The following ZBTB40 variants were observed in gnomAD, a reference collection of about 807,000 sequenced individuals.
ZBTB40 encodes the protein zinc finger and BTB domain-containing protein 40.
Under a neutral mutation model 117.5 loss-of-function variants are expected in ZBTB40, and 60 were observed. That is an observed-to-expected ratio of 0.51 (90% CI 0.41 to 0.63). ZBTB40 has a LOEUF of 0.63. Among genes scored for constraint, ZBTB40 ranks in the 30% least tolerant of loss-of-function variants. The pLI is 0.00. For synonymous variants in ZBTB40, 525 were observed against 577.1 expected (o/e 0.91, Z 1.29); for missense variants, 1,287 against 1,498.5 (o/e 0.86, Z 2.33).
At chr1:22,447,013 G>A (rs1640797270), upstream of ZBTB40, among the ~76,000 whole-genome samples, 1 of 151,940 alleles carries the variant, frequency 6.6e-6, no homozygotes, top group African/African-American at 2.4e-5. Flanking sequence ...TGAGGCAGCA[G>A]GATGACTTGT....
chr1:22,478,733 A>G (rs1485929032), intron 1 of ZBTB40, among the ~76,000 whole-genome samples: 5 of 152,172 alleles, frequency 3.3e-5, no homozygotes, highest in Non-Finnish European at 5.9e-5. Flanking sequence ...TCCCCTTCCC[A>G]TACTCATTTT....
chr1:22,455,242 A>G (rs968278104), intron 1 of ZBTB40, among the ~76,000 whole-genome samples: 4 of 152,174 alleles, frequency 2.6e-5, no homozygotes, highest in Non-Finnish European at 5.9e-5. Flanking sequence ...TTGTTTGTGC[A>G]TGATTTCAAG....
At chr1:22,512,163 G>T (rs757131945) in intron 11 of ZBTB40, 29 bp downstream of exon 11, 3 of 1,611,242 alleles carry the variant, frequency 1.9e-6, no homozygotes, top group South Asian at 2.2e-5. Flanking sequence ...AGGAACAGAG[G>T]ATGATAATTG....
At chr1:22,455,429 G>A (rs1640981846) in intron 1 of ZBTB40, among the ~76,000 whole-genome samples, 1 of 152,156 alleles carries the variant, frequency 6.6e-6, no homozygotes, top group South Asian at 2.1e-4. Context: ...AGCATGGCAG[G>A]TTTCGCTTTA....
intron 1 of ZBTB40, among the ~76,000 whole-genome samples, chr1:22,459,399 A>G (rs1641081030): frequency 6.6e-6 from 1 of 152,220 alleles, no homozygotes; most frequent in Admixed American, 6.5e-5. Flanking sequence ...GGTTTGAGGA[A>G]GGATCTGATT....
At chr1:22,431,640 G>A (rs985621907) in intron 1 of ZBTB40, among the ~76,000 whole-genome samples, 1 of 151,778 alleles carries the variant, frequency 6.6e-6, no homozygotes, top group African/African-American at 2.4e-5. Context: ...GGAGGCTGAG[G>A]CAGGAGAATC....
At chr1:22,488,838 G>A (rs1412823147) in intron 1 of ZBTB40, among the ~76,000 whole-genome samples, 1 of 152,138 alleles carries the variant, frequency 6.6e-6, no homozygotes, top group Admixed American at 6.5e-5. Context: ...GAGGCATGGA[G>A]GCTAATTAGG....
intron 1 of ZBTB40, among the ~76,000 whole-genome samples, chr1:22,434,461 C>T (rs994904197): frequency 6.6e-6 from 1 of 152,028 alleles, no homozygotes; most frequent in Non-Finnish European, 1.5e-5. Flanking sequence ...TCAATCTTTT[C>T]TTTTATGGTT....
chr1:22,529,856 T>C lies in ZBTB40; in HGVS notation c.*3460T>C, dbSNP rs192138844. 2.0e-5 allele frequency: 3 copies of C among 151,218 alleles called. No individual in the cohort carries two copies. Among genetic ancestry groups the C allele is most frequent in the Admixed American group, 1.3e-4 (2 of 15,158 alleles). 9.4% of individuals were successfully genotyped at this position (151,218 alleles called of 1,614,324 possible). A position where few individuals can be genotyped will look rare whatever the true frequency, so the allele number is the denominator to read the frequency against. On this transcript the variant is annotated 3_prime_UTR_variant, in exon 18 of 18. Transcript: ENST00000375647. ...AGTTCTGATAATCGGGGCTGAGGGG[T>C]GAAAAGAAATCCAGTCAGACAGACA...
At position 22,529,926 on chromosome 1, in the gene ZBTB40, G is replaced by A. The variant is rs1352046096; in HGVS notation, c.*3530G>A. On this transcript the variant is annotated 3_prime_UTR_variant, in exon 18 of 18. Coordinates refer to ENST00000375647, the MANE Select transcript of ZBTB40 (RefSeq NM_014870.4). The stretch of plus-strand genomic sequence containing the variant: ...CCCTTTATTTGCGGGATCAATCAGG[G>A]ACTCCCAGAAAGGAAGGAGAATGGT... The A allele has an allele frequency of 6.6e-6, 1 of 152,040 alleles. No homozygotes were observed. Among genetic ancestry groups the A allele is most frequent in the African/African-American group, 2.4e-5 (1 of 41,464 alleles). The allele number at this position is 152,040 out of a possible 1,614,324, so 9.4% of individuals were successfully genotyped here.
At chr1:22,480,683 C>T (rs537341787) in intron 1 of ZBTB40, among the ~76,000 whole-genome samples, 1 of 152,082 alleles carries the variant, frequency 6.6e-6, no homozygotes, top group Non-Finnish European at 1.5e-5. Context: ...CTATGTGAGT[C>T]CCTGTGTTTT....
chr1:22,524,168 C>A (rs371474961), intron 16 of ZBTB40, 50 bp from the exon 17 acceptor site: 1 of 1,561,992 alleles, frequency 6.4e-7, no homozygotes, highest in African/African-American at 1.4e-5. Context: ...TCTCATTTTA[C>A]CCAGAGAATT....
chr1:22,443,134 C>T (rs184212642), intron 1 of ZBTB40, among the ~76,000 whole-genome samples: 33 of 152,170 alleles, frequency 2.2e-4, no homozygotes, highest in East Asian at 1.4e-3. Context: ...AAAGTCTCAA[C>T]GAAAATTATT....
At chr1:22,439,962 G>A (rs1310651200) in intron 1 of ZBTB40, among the ~76,000 whole-genome samples, 3 of 152,082 alleles carry the variant, frequency 2.0e-5, no homozygotes, top group African/African-American at 4.8e-5. Context: ...CATTAACATG[G>A]GACGTGTTTC....
chr1:22,468,465 C>CTTTTT lies in ZBTB40; in HGVS notation c.-70+16484_-70+16488dup, dbSNP rs555995462. Among the ~76,000 whole-genome samples the CTTTTT allele has an allele frequency of 1.9e-4, 10 of 51,708 alleles. 2 individuals carry two copies. Among genetic ancestry groups the CTTTTT allele is most frequent in the African/African-American group, 5.9e-4 (5 of 8,434 alleles). The allele number at this position is 51,708 out of a possible 152,430, so 33.9% of individuals were successfully genotyped here. A position where few individuals can be genotyped will look rare whatever the true frequency, so the allele number is the denominator to read the frequency against. ...TTAAAATTTAAAATGTTAATGTTTCCTTTTTTTTTTTTTTTTTTTTTTTTT... is the reference window on the plus strand; with the variant it reads ...TTAAAATTTAAAATGTTAATGTTTCCTTTTTTTTTTTTTTTTTTTTTTTTTTTTTT... On this transcript the variant is annotated intron_variant, in intron 1 of 17. Transcript: ENST00000375647.
At chr1:22,457,124 ATT>A (rs11361503) in intron 1 of ZBTB40, among the ~76,000 whole-genome samples, 2,088 of 149,320 alleles carry the variant, frequency 0.014, 22 homozygotes, top group Non-Finnish European at 0.021. Flanking sequence ...CCCTGTCTCT[ATT>A]TTTTTTTTTT....
Position 22,511,761 on chromosome 1 carries a change from A to C in ZBTB40, c.2088A>C (p.Glu696Asp). 1 of 1,609,040 alleles carries C rather than the reference A, an allele frequency of 6.2e-7. No individual in the cohort carries two copies. Among genetic ancestry groups the C allele is most frequent in the East Asian group, 2.2e-5 (1 of 44,834 alleles). The change falls in exon 11 of 18, where the codon GAA becomes GAC. Residue 696 changes from glutamate (E) to aspartate (D), a missense_variant. Coordinates refer to ENST00000375647, the MANE Select transcript of ZBTB40 (RefSeq NM_014870.4). Reference protein sequence around the residue: ...FHLEANNKEDEKAAKEDSQPG... With the variant: ...FHLEANNKEDDKAAKEDSQPG... ...TTGAAGCCAACAACAAAGAAGATGA[A>C]AAGGCAGCCAAAGAAGACAGCCAGC... is the stretch of plus-strand genomic sequence containing the variant.
chr1:22,433,440 A>AAAACAAAAAC (rs1557469768), intron 1 of ZBTB40, among the ~76,000 whole-genome samples: 12 of 139,818 alleles, frequency 8.6e-5, no homozygotes, highest in African/African-American at 1.8e-4. Flanking sequence ...CTCAAAAAAA[A>AAAACAAAAAC]AAAAAAAAAA....
chr1:22,481,432 A>G (rs1158394982), intron 1 of ZBTB40, among the ~76,000 whole-genome samples: 1 of 152,140 alleles, frequency 6.6e-6, no homozygotes, highest in African/African-American at 2.4e-5. Context: ...GTATCTATAT[A>G]TTGGTAAGCC....
Sources: allele counts gnomAD v4.1 joint callset (sites outside exome capture counted in the v4.1 genomes callset), GRCh38; gene constraint gnomAD v4.1.1; transcripts MANE v1.5; gene names NCBI Gene and HGNC (gene_info 2026-07-23, HGNC 2026-07-21).